Variants in ZNF407 observed in about 807,000 individuals in gnomAD.
ZNF407 encodes the protein zinc finger protein 407.
In ZNF407, 17 loss-of-function variants were observed where a neutral mutation model predicts 131.2. The observed-to-expected ratio is 0.13, with a 90% CI of 0.09 to 0.19. The LOEUF (loss-of-function observed/expected upper bound fraction) is 0.19, where lower values mean the gene tolerates loss of function less well. Ranked by LOEUF, ZNF407 falls within the 10% of genes least tolerant of loss-of-function variation. The pLI, the probability that ZNF407 is intolerant of heterozygous loss-of-function variation, is 1.00. For missense variants in ZNF407, 2,681 were observed against 2,830.6 expected (o/e 0.95, Z 1.20); for synonymous variants, 1,156 against 1,062.0 (o/e 1.09, Z -1.72).
chr18:75,063,581 G>C lies in ZNF407; in HGVS notation c.5860G>C (p.Asp1954His). The change falls in exon 9 of 9, where the codon GAT (aspartate) becomes CAT (histidine). Residue 1954 changes from aspartate (D) to histidine (H), a missense_variant. Asp to His is a moderately conservative substitution (Grantham distance 81, BLOSUM62 -1). Coordinates refer to ENST00000299687, the MANE Select transcript of ZNF407 (RefSeq NM_017757.3). This position sits in a 1 kb window ranked among gnomAD's most constrained non-coding sequence, Gnocchi z 6.6. The part of the protein sequence containing the change: ...VGGSMEGHGM[D>H]ESLSPGGAVI... ...GGGCTCCATGGAAGGCCACGGCATG[G>C]ATGAGTCCCTCAGTCCAGGTGGCGC... is the stretch of plus-strand genomic sequence containing the variant. 11 of 1,569,466 alleles carry C rather than the reference G, an allele frequency of 7.0e-6. No individual in the cohort carries two copies. Among genetic ancestry groups the C allele is most frequent in the Non-Finnish European group, 9.5e-6 (11 of 1,158,800 alleles).
chr18:75,025,132 CAA>C (rs777531001), intron 8 of ZNF407, among the ~76,000 whole-genome samples: 47 of 152,118 alleles, frequency 3.1e-4, no homozygotes, highest in Non-Finnish European at 5.7e-4. Context: ...AGCTAAAACT[CAA>C]GATCAATTTT....
rs578213257 is a variant in ZNF407, at chr18:75,027,530, G to C, written c.5429-35620G>C. Among the ~76,000 whole-genome samples, 20 of 152,298 alleles carry C rather than the reference G, an allele frequency of 1.3e-4. No individual in the cohort carries two copies. The East Asian group carries it at 3.7e-3, about 28-fold the overall frequency. On this transcript the variant is annotated intron_variant, in intron 8 of 8. Transcript: ENST00000299687. ...ATACATTTTGGAGACAGAGGTGGTGGAACTTGTTAGTGGGTTGGATATGGA... is the reference window on the plus strand; with the variant it reads ...ATACATTTTGGAGACAGAGGTGGTGCAACTTGTTAGTGGGTTGGATATGGA...
intron 3 of ZNF407, among the ~76,000 whole-genome samples, chr18:74,717,331 C>T (rs17241463): frequency 0.12 from 18,882 of 152,110 alleles, 1,304 homozygotes; most frequent in African/African-American, 0.17. Context: ...CTCCTGAGTC[C>T]GATAGTGGCA....
chr18:74,987,373 T>A (rs1972665622), intron 8 of ZNF407, among the ~76,000 whole-genome samples: 1 of 152,286 alleles, frequency 6.6e-6, no homozygotes, highest in African/African-American at 2.4e-5. Flanking sequence ...TTATTATAGG[T>A]CTTACTGTAT....
intron 8 of ZNF407, among the ~76,000 whole-genome samples, chr18:74,946,307 A>G (rs896673222): frequency 6.6e-6 from 1 of 152,184 alleles, no homozygotes; most frequent in Non-Finnish European, 1.5e-5. Flanking sequence ...TCCTGTGAGA[A>G]TCAGGGAGGT....
chr18:74,731,491 G>A (rs1335343980), intron 3 of ZNF407, among the ~76,000 whole-genome samples: 1 of 152,106 alleles, frequency 6.6e-6, no homozygotes, highest in Non-Finnish European at 1.5e-5. Context: ...ATTTCTTAGA[G>A]TGAAATTTCT....
chr18:74,628,252 A>G (rs1301199322), intron 1 of ZNF407, among the ~76,000 whole-genome samples: 2 of 152,174 alleles, frequency 1.3e-5, no homozygotes, highest in Non-Finnish European at 2.9e-5. Context: ...GACAATTTAT[A>G]TATTTTAAAC....
chr18:74,894,184 T>C (rs1463942771), intron 7 of ZNF407, among the ~76,000 whole-genome samples: 1 of 152,130 alleles, frequency 6.6e-6, no homozygotes, highest in Admixed American at 6.6e-5. Context: ...TAGCTTTTAC[T>C]GTCTAAAATA....
intron 7 of ZNF407, among the ~76,000 whole-genome samples, chr18:74,894,940 C>T (rs973735034): frequency 6.6e-6 from 1 of 152,112 alleles, no homozygotes; most frequent in Non-Finnish European, 1.5e-5. Flanking sequence ...TCTAACCTTA[C>T]ATACCCTTTT....
At chr18:75,044,082 C>T (rs927351072) in intron 8 of ZNF407, among the ~76,000 whole-genome samples, 3 of 152,066 alleles carry the variant, frequency 2.0e-5, no homozygotes, top group East Asian at 1.9e-4. Context: ...CCTGGGGCCA[C>T]GATATCAAAC....
chr18:74,738,422 G>GAAAAAA (rs10602546), intron 3 of ZNF407, among the ~76,000 whole-genome samples: 1 of 65,724 alleles, frequency 1.5e-5, no homozygotes, highest in East Asian at 4.6e-4. Flanking sequence ...TCTGTCTCAA[G>GAAAAAA]AAAAAAAAAA....
intron 8 of ZNF407, among the ~76,000 whole-genome samples, chr18:74,965,021 C>A (rs1972394338): frequency 6.6e-6 from 1 of 151,990 alleles, no homozygotes; most frequent in South Asian, 2.1e-4. Flanking sequence ...TACGTGTAGT[C>A]CCATTTTTTA....
intron 8 of ZNF407, among the ~76,000 whole-genome samples, chr18:74,961,591 G>T (rs1028800037): frequency 2.0e-5 from 3 of 151,882 alleles, no homozygotes; most frequent in Non-Finnish European, 2.9e-5. Flanking sequence ...GTGGTGACGC[G>T]TGCCAATAGT....
chr18:74,983,861 G>A (rs1443351247), intron 8 of ZNF407, among the ~76,000 whole-genome samples: 1 of 152,208 alleles, frequency 6.6e-6, no homozygotes, highest in Non-Finnish European at 1.5e-5. Context: ...TGGCATTGCT[G>A]TTAGCCTGGC....
intron 8 of ZNF407, among the ~76,000 whole-genome samples, chr18:75,004,875 C>A (rs1972889918): frequency 6.6e-6 from 1 of 152,192 alleles, no homozygotes; most frequent in South Asian, 2.1e-4. Context: ...TCCTCGGCCC[C>A]ACCGCACTTA....
chr18:74,707,885 A>G (rs555451310), intron 3 of ZNF407, among the ~76,000 whole-genome samples: 1 of 152,342 alleles, frequency 6.6e-6, no homozygotes, highest in African/African-American at 2.4e-5. Flanking sequence ...ACACAATTTT[A>G]GTGATGTAAA....
intron 3 of ZNF407, among the ~76,000 whole-genome samples, chr18:74,676,476 A>G (rs79973543): frequency 0.2 from 29,142 of 143,024 alleles, 3,301 homozygotes; most frequent in East Asian, 0.25. Flanking sequence ...TCGCTCTGTC[A>G]CCCAGGCTGG....
chr18:74,925,289 ATTC>A (rs1216595077), intron 8 of ZNF407, among the ~76,000 whole-genome samples: 1 of 152,148 alleles, frequency 6.6e-6, no homozygotes, highest in Non-Finnish European at 1.5e-5. Context: ...GGGTTCTTGT[ATTC>A]TTCTCTAAGA....
At chr18:75,032,523 C>CT (rs199674680) in intron 8 of ZNF407, among the ~76,000 whole-genome samples, 2,103 of 152,300 alleles carry the variant, frequency 0.014, 39 homozygotes, top group African/African-American at 0.043. Flanking sequence ...TCTCTCGACT[C>CT]TAAGGTAGGT....
Sources: allele counts gnomAD v4.1 joint callset (sites outside exome capture counted in the v4.1 genomes callset), GRCh38; gene constraint gnomAD v4.1.1; non-coding constraint Gnocchi (gnomAD v3.1); transcripts MANE v1.5; gene names NCBI Gene and HGNC (gene_info 2026-07-23, HGNC 2026-07-21).